CERS3: variants seen among roughly 807,000 people sequenced by gnomAD.
CERS3 encodes ceramide synthase 3, also known as LAG1 homolog, ceramide synthase 3.
Under a neutral mutation model 50.3 loss-of-function variants are expected in CERS3, and 33 were observed. The observed-to-expected ratio is 0.66, with a 90% confidence interval of 0.50 to 0.88. CERS3 has a LOEUF of 0.88. Ranked by LOEUF, CERS3 falls within the 40% of genes least tolerant of loss-of-function variation. The pLI is 0.00. For synonymous variants in CERS3, 176 were observed against 155.2 expected, an observed-to-expected ratio of 1.13 and a Z score of -0.99; for missense variants, 470 against 460.3, an observed-to-expected ratio of 1.02 and a Z score of -0.19.
At position 100,455,983 on chromosome 15, in the gene CERS3, G is replaced by A. The variant is rs2034358722; in HGVS notation, c.909C>T (p.Phe303=). Reference sequence around the variant, plus strand: ...GCAAGATCATGAGCTGTAGGTTGAGGAAGATGTATGAAAAGAAAGGCTCGA... The same window carrying A: ...GCAAGATCATGAGCTGTAGGTTGAGAAAGATGTATGAAAAGAAAGGCTCGA... ...YHLEPFFSYI[F]LNLQLMILQV... Residue 303 remains phenylalanine, a synonymous_variant, in exon 11 of 12, where the codon TTC becomes TTT. Transcript: ENST00000679737. 6.2e-7 allele frequency: 1 copy of A among 1,613,180 alleles called. No homozygotes were observed. The highest frequency in any genetic ancestry group is 8.5e-7 in the Non-Finnish European group (1 of 1,179,444).
At chr15:100,479,740 T>C (rs1486652745) in intron 6 of CERS3, among the ~76,000 whole-genome samples, 1 of 151,728 alleles carries the variant, frequency 6.6e-6, no homozygotes, top group Non-Finnish European at 1.5e-5. Context: ...TGCTGTCTCA[T>C]AGAGGAAATG....
chr15:100,491,477 A>T (rs916549163), intron 3 of CERS3, among the ~76,000 whole-genome samples: 4 of 152,202 alleles, frequency 2.6e-5, no homozygotes, highest in African/African-American at 9.7e-5. Flanking sequence ...ATAATTTGTC[A>T]GAGTTCCAGT....
chr15:100,495,444 A>G (rs565322081), intron 3 of CERS3, among the ~76,000 whole-genome samples: 1 of 152,182 alleles, frequency 6.6e-6, no homozygotes, highest in Non-Finnish European at 1.5e-5. Flanking sequence ...GGTTGCTTTT[A>G]TGGAAGAAAG....
At chr15:100,429,867 G>T (rs73488553) in intron 11 of CERS3, among the ~76,000 whole-genome samples, 40 of 151,996 alleles carry the variant, frequency 2.6e-4, no homozygotes, top group African/African-American at 8.7e-4. Context: ...TCCACCAAAA[G>T]AAAAGGTGAG....
At chr15:100,480,551 G>A (rs1368464190) in intron 5 of CERS3, among the ~76,000 whole-genome samples, 3 of 152,098 alleles carry the variant, frequency 2.0e-5, no homozygotes, top group Non-Finnish European at 4.4e-5. Context: ...CTCATGTATG[G>A]AGAAAAACCT....
intron 11 of CERS3, among the ~76,000 whole-genome samples, chr15:100,417,021 G>C (rs2031965240): frequency 1.3e-5 from 2 of 152,180 alleles, no homozygotes; most frequent in African/African-American, 4.8e-5. Flanking sequence ...AAACTGCCAA[G>C]AGATACCATT....
chr15:100,488,659 G>C (rs1431053144), intron 4 of CERS3, among the ~76,000 whole-genome samples: 1 of 151,990 alleles, frequency 6.6e-6, no homozygotes, highest in African/African-American at 2.4e-5. Flanking sequence ...TTGTTATCTT[G>C]ATATACTATA....
At chr15:100,481,850 C>A (rs1207772344) in intron 5 of CERS3, among the ~76,000 whole-genome samples, 2 of 152,140 alleles carry the variant, frequency 1.3e-5, no homozygotes, top group Non-Finnish European at 2.9e-5. Context: ...GCCAGAGAAC[C>A]CTGAGGTCAG....
intron 11 of CERS3, among the ~76,000 whole-genome samples, chr15:100,416,001 T>C (rs576946314): frequency 6.6e-6 from 1 of 151,920 alleles, no homozygotes; most frequent in African/African-American, 2.4e-5. Flanking sequence ...CAAAAACAAA[T>C]GGAAAAATGT....
chr15:100,433,807 T>C (rs2033261874), intron 11 of CERS3, among the ~76,000 whole-genome samples: 1 of 152,234 alleles, frequency 6.6e-6, no homozygotes, highest in South Asian at 2.1e-4. Flanking sequence ...AGCTTCAAAG[T>C]GGGCAAAGCT....
chr15:100,438,847 G>C (rs2033551539), intron 11 of CERS3, among the ~76,000 whole-genome samples: 1 of 152,222 alleles, frequency 6.6e-6, no homozygotes, highest in Non-Finnish European at 1.5e-5. Context: ...ACATGCTTGA[G>C]CTGGCCAGGA....
intron 11 of CERS3, among the ~76,000 whole-genome samples, chr15:100,447,627 G>A (rs1027733094): frequency 1.3e-5 from 2 of 152,222 alleles, no homozygotes; most frequent in Admixed American, 6.5e-5. Flanking sequence ...AAGCAGAAAT[G>A]CGATCTTTTT....
intron 7 of CERS3, among the ~76,000 whole-genome samples, chr15:100,477,191 G>A (rs527251873): frequency 6.6e-6 from 1 of 152,332 alleles, no homozygotes; most frequent in South Asian, 2.1e-4. Flanking sequence ...GGTTTGTTAT[G>A]TACCAACGGA....
At chr15:100,442,420 A>G (rs1440191243) in intron 11 of CERS3, among the ~76,000 whole-genome samples, 1 of 152,194 alleles carries the variant, frequency 6.6e-6, no homozygotes, top group Non-Finnish European at 1.5e-5. Flanking sequence ...CAGCCAAGTA[A>G]CAATGTATTT....
At chr15:100,418,858 A>G (rs2032175565) in intron 11 of CERS3, among the ~76,000 whole-genome samples, 1 of 151,434 alleles carries the variant, frequency 6.6e-6, no homozygotes, top group African/African-American at 2.4e-5. Context: ...GAGAAATAAA[A>G]TACTATACAG....
At chr15:100,523,135 T>C (rs563754096) in intron 1 of CERS3, among the ~76,000 whole-genome samples, 1 of 152,356 alleles carries the variant, frequency 6.6e-6, no homozygotes, top group Non-Finnish European at 1.5e-5. Flanking sequence ...TTCTGTGAAG[T>C]ACCTGTTCAA....
chr15:100,509,150 T>C (rs2036267807), intron 2 of CERS3, among the ~76,000 whole-genome samples: 1 of 152,174 alleles, frequency 6.6e-6, no homozygotes, highest in South Asian at 2.1e-4. Context: ...GTCATTCTTT[T>C]CTAACCTCGT....
intron 1 of CERS3, among the ~76,000 whole-genome samples, chr15:100,537,384 T>A (rs2037099571): frequency 6.6e-6 from 1 of 152,238 alleles, no homozygotes; most frequent in African/African-American, 2.4e-5. Context: ...TGTGGCTGTT[T>A]GGCAGTGTAT....
chr15:100,431,005 A>T (rs1383802162), intron 11 of CERS3, among the ~76,000 whole-genome samples: 7 of 152,168 alleles, frequency 4.6e-5, no homozygotes, highest in South Asian at 2.1e-4. Flanking sequence ...TAAACTACAG[A>T]TTCTCATGCT....
Sources: allele counts gnomAD v4.1 joint callset (sites outside exome capture counted in the v4.1 genomes callset), GRCh38; gene constraint gnomAD v4.1.1; transcripts MANE v1.5; gene names NCBI Gene and HGNC (gene_info 2026-07-23, HGNC 2026-07-21).